TRAPPC8: variants seen among roughly 807,000 people sequenced by gnomAD.
TRAPPC8 encodes general sporulation gene 1 homolog.
TRAPPC8 carries 54 observed loss-of-function variants against 174.3 expected under a neutral mutation model. The ratio of observed to expected loss-of-function variants is 0.31; its 90% CI spans 0.25 to 0.39. The LOEUF is 0.39. Ranked by LOEUF, TRAPPC8 falls within the 10% of genes least tolerant of loss-of-function variation. The probability of loss-of-function intolerance (pLI) is 1.00; values close to 1 mark genes in which losing one functional copy is unlikely to be tolerated. For synonymous variants in TRAPPC8, 630 were observed against 579.9 expected (o/e 1.09, Z -1.24); for missense variants, 1,531 against 1,699.1 (o/e 0.90, Z 1.74).
intron 1 of TRAPPC8, 153 bp downstream of exon 1, chr18:31,942,455 C>T (rs1300446388): frequency 9.8e-7 from 1 of 1,022,902 alleles, no homozygotes; most frequent in Non-Finnish European, 1.3e-6. Flanking sequence ...CTCCTCCAGC[C>T]GCCCCCGGAG....
chr18:31,875,647 G>A lies in TRAPPC8; in HGVS notation c.1729-943C>T, dbSNP rs1158843182. ...CTTCCTGGTATTCAGTGCATTTACT[G>A]CAGGACTTAAGAAGAGCAAGAGATT... is the stretch of plus-strand genomic sequence containing the variant. On this transcript the variant is annotated intron_variant, in intron 12 of 28. Transcript: ENST00000283351. Among the ~76,000 whole-genome samples, 6 of 152,208 alleles carry A rather than the reference G, an allele frequency of 3.9e-5. 1 individual carries two copies. Among genetic ancestry groups the A allele is most frequent in the Non-Finnish European group, 7.3e-5 (5 of 68,042 alleles).
chr18:31,835,590 C>A (rs1160771431), intron 27 of TRAPPC8, among the ~76,000 whole-genome samples: 1 of 152,204 alleles, frequency 6.6e-6, no homozygotes. Flanking sequence ...TGACCACCAT[C>A]TCCCAACTCT....
intron 12 of TRAPPC8, among the ~76,000 whole-genome samples, chr18:31,876,346 C>T (rs1205753584): frequency 1.3e-5 from 2 of 151,492 alleles, no homozygotes; most frequent in Admixed American, 6.6e-5. Flanking sequence ...AAAAATTAGC[C>T]GGGCATGGTG....
Position 31,942,911 on chromosome 18 carries a change from C to A in TRAPPC8, c.-147G>T. 8.1e-7 allele frequency: 1 copy of A among 1,239,348 alleles called. No individual in the cohort carries two copies. Among genetic ancestry groups the A allele is most frequent in the Non-Finnish European group, 1.0e-6 (1 of 991,642 alleles). 76.8% of individuals were successfully genotyped at this position (1,239,348 alleles called of 1,614,324 possible). ...ACTGGAGCCTAGAAACAAGAAGGAA[C>A]AGACGCCGCCGCTTCGGTTTCTGGG... is the stretch of plus-strand genomic sequence containing the variant. On this transcript the variant is annotated 5_prime_UTR_variant, in exon 1 of 29. Transcript: ENST00000283351.
intron 4 of TRAPPC8, among the ~76,000 whole-genome samples, chr18:31,915,849 T>TG (rs2037117190): frequency 6.9e-6 from 1 of 145,226 alleles, no homozygotes; most frequent in African/African-American, 2.6e-5. Flanking sequence ...ATCGTGCCAC[T>TG]GCACTCCAGC....
chr18:31,910,090 C>T (rs1408560126), intron 5 of TRAPPC8, among the ~76,000 whole-genome samples: 1 of 152,056 alleles, frequency 6.6e-6, no homozygotes, highest in African/African-American at 2.4e-5. Context: ...GCTTATGCCT[C>T]TTAAGTAAGG....
chr18:31,893,380 GGTGT>G (rs10660521), intron 11 of TRAPPC8, among the ~76,000 whole-genome samples: 87 of 149,714 alleles, frequency 5.8e-4, no homozygotes, highest in East Asian at 3.5e-3. Flanking sequence ...TTTGCTTCTA[GGTGT>G]GTGTGTGTGT....
Position 31,855,814 on chromosome 18 carries a change from T to TTA in TRAPPC8, c.3189-9_3189-8dup. 1 of 1,526,124 alleles carries TTA rather than the reference T, an allele frequency of 6.6e-7. No homozygotes were observed. Among genetic ancestry groups the TTA allele is most frequent in the Non-Finnish European group, 8.7e-7 (1 of 1,154,872 alleles). The allele number at this position is 1,526,124 out of a possible 1,614,324, so 94.5% of individuals were successfully genotyped here. On this transcript the variant is annotated splice_region_variant and splice_polypyrimidine_tract_variant and intron_variant, in intron 20 of 28. Transcript: ENST00000283351. ...GTGTCTTAATATTCTGTGCCTGAAG[T>TTA]TAAAAAAAAAAAAAAAAGCACATTT... is the stretch of plus-strand genomic sequence containing the variant.
chr18:31,833,951 G>C (rs1309249449), intron 27 of TRAPPC8, among the ~76,000 whole-genome samples: 1 of 136,440 alleles, frequency 7.3e-6, no homozygotes, highest in Non-Finnish European at 1.5e-5. Context: ...GCAGTGAGCC[G>C]AGATCACACC....
Position 31,874,672 on chromosome 18 carries a change from G to C in TRAPPC8, c.1761C>G (p.Ala587=). 3 of 1,613,850 alleles carry C rather than the reference G, an allele frequency of 1.9e-6. No homozygotes were observed. Among genetic ancestry groups the C allele is most frequent in the Non-Finnish European group, 2.5e-6 (3 of 1,179,956 alleles). The stretch of plus-strand genomic sequence containing the variant: ...AGCCTTTTCCTTTGTAAACTTGCAT[G>C]GCTTGACAATAACAGCGTAAAGCAT... The part of the protein sequence containing the change: ...KKHALRCYCQ[A]MQVYKGKGWS... The change falls in exon 13 of 29, where the codon GCC becomes GCG. Residue 587 remains alanine, a synonymous_variant. Transcript: ENST00000283351.
At chr18:31,886,108 C>G (rs2035699352) in intron 12 of TRAPPC8, among the ~76,000 whole-genome samples, 1 of 151,116 alleles carries the variant, frequency 6.6e-6, no homozygotes, top group South Asian at 2.1e-4. Context: ...CGGGTTCAAG[C>G]AATTCTCCTG....
At chr18:31,892,260 T>A (rs967625931) in intron 11 of TRAPPC8, among the ~76,000 whole-genome samples, 12 of 152,348 alleles carry the variant, frequency 7.9e-5, no homozygotes, top group African/African-American at 2.6e-4. Context: ...TCACCCCTCC[T>A]ATATATGTAT....
At chr18:31,853,549 T>C (rs1239883537) in intron 22 of TRAPPC8, among the ~76,000 whole-genome samples, 1 of 152,078 alleles carries the variant, frequency 6.6e-6, no homozygotes, top group Non-Finnish European at 1.5e-5. Context: ...ATTACAGGCG[T>C]GAGCCACCAC....
chr18:31,876,941 T>C (rs778063061), intron 12 of TRAPPC8, among the ~76,000 whole-genome samples: 18 of 152,146 alleles, frequency 1.2e-4, no homozygotes, highest in Non-Finnish European at 2.6e-4. Context: ...AGGAAATCTC[T>C]GCTCTTGAGT....
chr18:31,904,574 T>C (rs1376357353), intron 9 of TRAPPC8, among the ~76,000 whole-genome samples: 2 of 152,184 alleles, frequency 1.3e-5, no homozygotes, highest in African/African-American at 4.8e-5. Context: ...GAAATATGAT[T>C]AAAGCCTTTA....
intron 16 of TRAPPC8, among the ~76,000 whole-genome samples, chr18:31,869,811 G>A (rs571808847): frequency 6.6e-6 from 1 of 152,156 alleles, no homozygotes; most frequent in Non-Finnish European, 1.5e-5. Flanking sequence ...CTGGAAGGCC[G>A]GGCGCGGTGG....
At chr18:31,933,020 A>AG (rs2037918570) in intron 1 of TRAPPC8, among the ~76,000 whole-genome samples, 3 of 128,954 alleles carry the variant, frequency 2.3e-5, no homozygotes, top group African/African-American at 9.2e-5. Flanking sequence ...AAAAAAAAAA[A>AG]GCCGGGCGCA....
chr18:31,937,287 T>G (rs1370978554), intron 1 of TRAPPC8, among the ~76,000 whole-genome samples: 1 of 152,154 alleles, frequency 6.6e-6, no homozygotes, highest in African/African-American at 2.4e-5. Flanking sequence ...TCAAAGCACT[T>G]TGGGAATCCA....
intron 1 of TRAPPC8, among the ~76,000 whole-genome samples, chr18:31,937,010 A>G (rs1333439055): frequency 6.6e-6 from 1 of 151,662 alleles, no homozygotes. Flanking sequence ...CAGGAGATCA[A>G]GACCATCCTG....
Sources: allele counts gnomAD v4.1 joint callset (sites outside exome capture counted in the v4.1 genomes callset), GRCh38; gene constraint gnomAD v4.1.1; transcripts MANE v1.5; gene names NCBI Gene and HGNC (gene_info 2026-07-23, HGNC 2026-07-21).